PARVB: variants seen among roughly 807,000 people sequenced by gnomAD.
PARVB encodes parvin beta.
PARVB carries 46 observed loss-of-function variants against 47.0 expected under a neutral mutation model. That is an observed-to-expected ratio of 0.98 (90% CI 0.77 to 1.25). The LOEUF (loss-of-function observed/expected upper bound fraction) is 1.25. PARVB is among the 50% of genes most tolerant of loss of function. PARVB has a pLI of 0.00. For synonymous variants in PARVB, 196 were observed against 196.3 expected (o/e 1.00, Z 0.01); for missense variants, 473 against 471.6 (o/e 1.00, Z -0.03).
intron 1 of PARVB, among the ~76,000 whole-genome samples, chr22:44,061,939 G>C (rs933284488): frequency 1.3e-5 from 2 of 152,150 alleles, no homozygotes; most frequent in Non-Finnish European, 2.9e-5. Context: ...TCTGTGTGCA[G>C]GTCTGTGAAT....
chr22:44,088,335 G>A (rs1257327688), intron 1 of PARVB, among the ~76,000 whole-genome samples: 1 of 152,158 alleles, frequency 6.6e-6, no homozygotes, highest in Non-Finnish European at 1.5e-5. Context: ...GTAAGATGAG[G>A]TTGAAGATAG....
chr22:44,101,733 A>C (rs1379604755), intron 3 of PARVB, among the ~76,000 whole-genome samples: 1 of 151,108 alleles, frequency 6.6e-6, no homozygotes, highest in African/African-American at 2.5e-5. Context: ...GGGCACCAAG[A>C]GTAAAACTCC....
intron 1 of PARVB, among the ~76,000 whole-genome samples, chr22:44,076,791 G>A (rs1294522339): frequency 6.6e-6 from 1 of 152,050 alleles, no homozygotes; most frequent in African/African-American, 2.4e-5. Flanking sequence ...TGGAGGAGGT[G>A]GCCTGCCCCA....
At chr22:44,117,580 T>G (rs1033298909) in intron 3 of PARVB, among the ~76,000 whole-genome samples, 1 of 152,302 alleles carries the variant, frequency 6.6e-6, no homozygotes, top group East Asian at 1.9e-4. Flanking sequence ...GCCATGCACC[T>G]CTCCCTGCAA....
chr22:44,084,684 G>A (rs183632809), intron 1 of PARVB, among the ~76,000 whole-genome samples: 3 of 152,292 alleles, frequency 2.0e-5, no homozygotes, highest in East Asian at 1.9e-4. Flanking sequence ...GGATGGGACC[G>A]TGCAGGACTT....
intron 1 of PARVB, among the ~76,000 whole-genome samples, chr22:44,057,490 G>A (rs2051337309): frequency 6.6e-6 from 1 of 152,106 alleles, no homozygotes; most frequent in South Asian, 2.1e-4. Context: ...TGTGTCCTGA[G>A]AGCTGTCCAA....
intron 4 of PARVB, among the ~76,000 whole-genome samples, chr22:44,129,995 C>T (rs746711768): frequency 6.6e-6 from 1 of 152,148 alleles, no homozygotes; most frequent in Admixed American, 6.5e-5. Context: ...GAAAGGGATG[C>T]CAAAGCTGTT....
chr22:44,058,112 A>G (rs773770729), intron 1 of PARVB, among the ~76,000 whole-genome samples: 1 of 152,184 alleles, frequency 6.6e-6, no homozygotes, highest in Non-Finnish European at 1.5e-5. Flanking sequence ...AATCTGCATT[A>G]ATTTCCTAGG....
At chr22:44,056,952 G>A (rs1330940808) in intron 1 of PARVB, among the ~76,000 whole-genome samples, 1 of 110,574 alleles carries the variant, frequency 9.0e-6, no homozygotes, top group Admixed American at 9.4e-5. Flanking sequence ...GGTGGAGCTG[G>A]GGGCTGAGCT....
intron 1 of PARVB, among the ~76,000 whole-genome samples, chr22:44,032,968 C>T (rs2050851004): frequency 6.6e-6 from 1 of 152,174 alleles, no homozygotes; most frequent in South Asian, 2.1e-4. Flanking sequence ...CCATTGAGTG[C>T]CGTGCAACAG....
intron 2 of PARVB, among the ~76,000 whole-genome samples, chr22:44,096,679 G>C (rs1170102129): frequency 1.3e-5 from 2 of 152,130 alleles, no homozygotes. Flanking sequence ...CGGGCATTTT[G>C]CCCCCAGAGC....
At chr22:44,118,794 G>T (rs2143428) in intron 3 of PARVB, among the ~76,000 whole-genome samples, 1 of 151,468 alleles carries the variant, frequency 6.6e-6, no homozygotes, top group Non-Finnish European at 1.5e-5. Context: ...CTGTCCCTCC[G>T]CTTGCTCTGG....
chr22:44,002,473 G>T (rs1471429302), intron 2 of PARVB, among the ~76,000 whole-genome samples: 1 of 152,182 alleles, frequency 6.6e-6, no homozygotes. Flanking sequence ...AAAGCGAAGT[G>T]CCTGGCACGT....
intron 1 of PARVB, among the ~76,000 whole-genome samples, chr22:44,067,405 C>T (rs1487644180): frequency 3.3e-5 from 5 of 152,196 alleles, no homozygotes; most frequent in Admixed American, 2.6e-4. Flanking sequence ...CTGACTGATC[C>T]TCTGTTATTT....
intron 1 of PARVB, among the ~76,000 whole-genome samples, chr22:44,045,557 C>T (rs1048562830): frequency 3.9e-5 from 6 of 152,154 alleles, no homozygotes; most frequent in Non-Finnish European, 7.3e-5. Context: ...CCCTTGAGAG[C>T]AGGTATGGGG....
chr22:44,087,252 A>G (rs190056962), intron 1 of PARVB, among the ~76,000 whole-genome samples: 4 of 152,306 alleles, frequency 2.6e-5, no homozygotes, highest in Admixed American at 6.5e-5. Flanking sequence ...TTTGTTCTCT[A>G]TGAAAACCAG....
chr22:44,050,196 G>A (rs923210526), intron 1 of PARVB, among the ~76,000 whole-genome samples: 3 of 152,184 alleles, frequency 2.0e-5, no homozygotes, highest in Non-Finnish European at 1.5e-5. Flanking sequence ...GCCGTCTTAA[G>A]GTGTAAATGC....
intron 10 of PARVB, among the ~76,000 whole-genome samples, chr22:44,154,008 G>A (rs1334902054): frequency 6.6e-6 from 1 of 152,174 alleles, no homozygotes; most frequent in East Asian, 1.9e-4. Context: ...ACACTTTGAA[G>A]GCTCAGGAAG....
intron 1 of PARVB, among the ~76,000 whole-genome samples, chr22:44,053,928 C>T (rs916057024): frequency 1.3e-5 from 2 of 152,208 alleles, no homozygotes; most frequent in African/African-American, 4.8e-5. Context: ...AGCATCCAGT[C>T]TCTGGAAGCT....
Sources: gnomAD v4.1 joint callset for allele counts (sites outside exome capture counted in the v4.1 genomes callset) on GRCh38, gnomAD v4.1.1 for gene constraint, MANE v1.5 for transcripts, NCBI Gene and HGNC (gene_info 2026-07-23, HGNC 2026-07-21) for gene names.